NAA16: variants seen among roughly 807,000 people sequenced by gnomAD.
The protein encoded by NAA16 is N-alpha-acetyltransferase 16, NatA auxiliary subunit, also known as NARG1-like protein.
A neutral mutation model predicts 110.3 loss-of-function variants in NAA16; 97 were observed. The ratio of observed to expected loss-of-function variants is 0.88; its 90% confidence interval spans 0.75 to 1.04. The LOEUF is 1.04. Among genes scored for constraint, NAA16 ranks in the 50% least tolerant of loss-of-function variants. The pLI, the probability that NAA16 is intolerant of heterozygous loss-of-function variation, is 0.00. For synonymous variants in NAA16, 372 were observed against 330.6 expected (o/e 1.13, Z -1.36); for missense variants, 1,017 against 1,005.1 (o/e 1.01, Z -0.16).
At chr13:41,317,045 C>A in intron 2 of NAA16, 115 bp downstream of exon 2, 1 of 679,820 alleles carries the variant, frequency 1.5e-6, no homozygotes. Context: ...TATTAGAGTG[C>A]ATAAATGTTC....
chr13:41,354,604 G>A (rs551752495), intron 9 of NAA16: 4 of 152,234 alleles, frequency 2.6e-5, no homozygotes, highest in African/African-American at 4.8e-5. Context: ...TTTCACAGGC[G>A]CCATGCCAAT....
intron 9 of NAA16, 86 bp downstream of exon 9, chr13:41,336,842 T>G (rs946260483): frequency 1.4e-6 from 1 of 717,108 alleles, no homozygotes; most frequent in Non-Finnish European, 2.2e-6. Context: ...TGCTATTACT[T>G]AATCATTTTC....
At chr13:41,369,959 C>G (rs915556760) in intron 15 of NAA16, among the ~76,000 whole-genome samples, 1 of 152,172 alleles carries the variant, frequency 6.6e-6, no homozygotes, top group African/African-American at 2.4e-5. Flanking sequence ...TAATTTGTTA[C>G]AGCAGCAATA....
At chr13:41,321,318 T>C (rs1207918113) in intron 4 of NAA16, among the ~76,000 whole-genome samples, 1 of 152,104 alleles carries the variant, frequency 6.6e-6, no homozygotes, top group African/African-American at 2.4e-5. Flanking sequence ...CAAAAAAAAC[T>C]GGTTTTTAAA....
rs755207386 is a variant in NAA16, at chr13:41,375,702, G to A, written c.*100G>A. The A allele has an allele frequency of 6.0e-5, 54 of 906,402 alleles. 1 individual carries two copies. The Middle Eastern group carries it at 7.5e-4, about 13-fold the overall frequency. The allele number at this position is 906,402 out of a possible 1,614,324, so 56.1% of individuals were successfully genotyped here. On this transcript the variant is annotated 3_prime_UTR_variant, in exon 20 of 20. Transcript: ENST00000379406. ...AATATACGTATGAAATGAAATATTT[G>A]GTTAGGATTTTTAAATGGCATATTC...
At chr13:41,338,296 CG>C (rs1241453248) in intron 9 of NAA16, among the ~76,000 whole-genome samples, 3 of 152,164 alleles carry the variant, frequency 2.0e-5, no homozygotes, top group African/African-American at 4.8e-5. Context: ...TAAGCTATCA[CG>C]GGGCTTTCAC....
In NAA16 at chr13:41,370,847, A is replaced by G. The variant is rs4299022; in HGVS notation, c.1948-1356A>G. 9.8e-3 allele frequency among the ~76,000 whole-genome samples: 1,487 copies of G among 152,318 alleles called. 17 individuals carry two copies. The highest frequency in any genetic ancestry group is 0.033 in the African/African-American group (1,370 of 41,568). ...TGGTACTCTATGGAAAGGATTTTCA[A>G]CGCTGTGGAAGAGAACCCCAGTAGA... On this transcript the variant is annotated intron_variant, in intron 15 of 19. Coordinates refer to ENST00000379406, the MANE Select transcript of NAA16 (RefSeq NM_024561.5).
chr13:41,367,452 T>G lies in NAA16; in HGVS notation c.1553T>G (p.Ile518Arg). ...TTTGTTTTTAAGCATTTTTTTGAGA[T>G]AACTGATGACCAATTCGACTTCCAT... ...CHEVERHFFE[I>R]TDDQFDFHTY... The change falls in exon 14 of 20, where the codon ATA (isoleucine) becomes AGA (arginine). Residue 518 changes from isoleucine to arginine, a missense_variant. Physicochemically the swap from Ile to Arg is moderately conservative, Grantham distance 97. Coordinates refer to ENST00000379406, the MANE Select transcript of NAA16 (RefSeq NM_024561.5). 1.3e-6 allele frequency: 2 copies of G among 1,593,978 alleles called. No individual in the cohort carries two copies. Among genetic ancestry groups the G allele is most frequent in the Non-Finnish European group, 8.6e-7 (1 of 1,167,794 alleles).
intron 9 of NAA16, among the ~76,000 whole-genome samples, chr13:41,347,710 C>G (rs1249624926): frequency 2.0e-5 from 3 of 152,174 alleles, no homozygotes; most frequent in Non-Finnish European, 1.5e-5. Context: ...TGAAACCTTG[C>G]TGAACTTGTT....
chr13:41,343,304 G>A (rs1038219037), intron 9 of NAA16, among the ~76,000 whole-genome samples: 2 of 152,050 alleles, frequency 1.3e-5, no homozygotes, highest in African/African-American at 2.4e-5. Context: ...TGTTCACGCT[G>A]ATCTCAAACT....
Position 41,365,042 on chromosome 13 carries a change from A to T in NAA16, c.1540-2397A>T, listed in dbSNP as rs1443605515. Among the ~76,000 whole-genome samples the T allele has an allele frequency of 3.3e-5, 5 of 152,270 alleles. No individual in the cohort carries two copies. The South Asian group carries it at 1.0e-3, about 32-fold the overall frequency. ...TCTTAATTCTTGCTTAGGGGGAGAG[A>T]GTTAAGGGCATGAGCTGTATGTTAA... On this transcript the variant is annotated intron_variant, in intron 13 of 19. Transcript: ENST00000379406.
intron 9 of NAA16, among the ~76,000 whole-genome samples, chr13:41,353,798 CACA>C (rs1566284100): frequency 0.015 from 2,237 of 147,580 alleles, 49 homozygotes; most frequent in African/African-American, 0.053. Flanking sequence ...CACACACACA[CACA>C]CCCCAAAACA....
chr13:41,326,803 C>T (rs571247850), intron 6 of NAA16, among the ~76,000 whole-genome samples: 1 of 152,256 alleles, frequency 6.6e-6, no homozygotes, highest in Admixed American at 6.5e-5. Context: ...TCCCTGTATA[C>T]CCACAGCCTT....
chr13:41,318,380 T>G (rs923442873), intron 2 of NAA16, among the ~76,000 whole-genome samples: 2 of 152,028 alleles, frequency 1.3e-5, no homozygotes, highest in African/African-American at 2.4e-5. Context: ...TAATTTTTGT[T>G]TAGTAGAGAC....
intron 6 of NAA16, among the ~76,000 whole-genome samples, chr13:41,327,307 GA>G (rs1274801315): frequency 2.6e-5 from 4 of 151,810 alleles, no homozygotes; most frequent in Non-Finnish European, 5.9e-5. Context: ...TAGCAAAGAG[GA>G]AAAAAGGCAA....
intron 4 of NAA16, among the ~76,000 whole-genome samples, chr13:41,322,083 GTAAAT>G (rs1255478688): frequency 6.6e-6 from 1 of 152,178 alleles, no homozygotes; most frequent in Non-Finnish European, 1.5e-5. Context: ...GGATTGTGAA[GTAAAT>G]TAAGTTAAAA....
intron 5 of NAA16, among the ~76,000 whole-genome samples, chr13:41,325,433 A>G (rs964152221): frequency 6.6e-6 from 1 of 150,916 alleles, no homozygotes; most frequent in African/African-American, 2.4e-5. Context: ...TTTTTTGTAG[A>G]TTCTATAGTA....
chr13:41,353,139 C>CAAAACAAAACA (rs1460809981), intron 9 of NAA16, among the ~76,000 whole-genome samples: 1 of 151,708 alleles, frequency 6.6e-6, no homozygotes, highest in African/African-American at 2.4e-5. Flanking sequence ...CAAAACAAAA[C>CAAAACAAAACA]ATAGGTTTCA....
rs557942022 is a variant in NAA16 at position 41,375,939 on chromosome 13, G to A, written c.*337G>A. The A allele has an allele frequency of 7.9e-5, 14 of 176,430 alleles. No individual in the cohort carries two copies. The South Asian group carries it at 1.9e-3, about 24-fold the overall frequency. The allele number at this position is 176,430 out of a possible 1,614,324, so 10.9% of individuals were successfully genotyped here. A position where few individuals can be genotyped will look rare whatever the true frequency, so the allele number is the denominator to read the frequency against. On this transcript the variant is annotated 3_prime_UTR_variant, in exon 20 of 20. Transcript: ENST00000379406. ...GCTTTGATTCCTTGTCTGTTTTATC[G>A]TATATTTGCTTGCTTTTTAATTAAA...
Sources: allele counts gnomAD v4.1 joint callset (sites outside exome capture counted in the v4.1 genomes callset), GRCh38; gene constraint gnomAD v4.1.1; transcripts MANE v1.5; gene names NCBI Gene and HGNC (gene_info 2026-07-23, HGNC 2026-07-21).